GPX1: variants seen among roughly 807,000 people sequenced by gnomAD.
The protein encoded by GPX1 is glutathione peroxidase 1, also known as GSHPx-1.
GPX1 carries 8 observed loss-of-function variants against 11.5 expected under a neutral mutation model. That is an observed-to-expected ratio of 0.70 (90% CI 0.41 to 1.25). The LOEUF (loss-of-function observed/expected upper bound fraction) is 1.25, where lower values mean the gene tolerates loss of function less well. GPX1 is among the 50% of genes most tolerant of loss of function. The pLI, the probability that GPX1 is intolerant of heterozygous loss-of-function variation, is 0.01. For missense variants in GPX1, 266 were observed against 284.3 expected (o/e 0.94, Z 0.46); for synonymous variants, 142 against 127.8 (o/e 1.11, Z -0.75).
Position 49,357,420 on chromosome 3 carries a change from C to T in GPX1, c.580G>A (p.Ala194Thr), listed in dbSNP as rs6446261. 4,042 of 1,612,430 alleles carry T rather than the reference C, an allele frequency of 2.5e-3. 60 individuals are homozygous for T. The African/African-American group carries it at 0.032, about 13-fold the overall frequency. The change falls in exon 2 of 2, where the codon GCC becomes ACC. Residue 194 changes from alanine to threonine, a missense_variant. Transcript: ENST00000419783. ...QTIDIEPDIE[A>T]LLSQGPSCA ...CAGCTGGGCCCTTGAGACAGCAGGG[C>T]TTCGATGTCAGGCTCGATGTCAATG...
chr3:49,358,301 G>A lies in GPX1; in HGVS notation c.-23C>T. 3.3e-6 allele frequency: 5 copies of A among 1,529,282 alleles called. No individual in the cohort carries two copies. Among genetic ancestry groups the A allele is most frequent in the Non-Finnish European group, 4.4e-6 (5 of 1,135,324 alleles). 94.7% of individuals were successfully genotyped at this position (1,529,282 alleles called of 1,614,324 possible). A position where few individuals can be genotyped will look rare whatever the true frequency, so the allele number is the denominator to read the frequency against. On this transcript the variant is annotated 5_prime_UTR_variant, in exon 1 of 2. Transcript: ENST00000419783. ...CATGGCGCAATTGTCCAAGAAGCCAGCGGAGCGCCCCGAACAAGCACTGTA... is the reference window on the plus strand; with the variant it reads ...CATGGCGCAATTGTCCAAGAAGCCAACGGAGCGCCCCGAACAAGCACTGTA...
Position 49,358,097 on chromosome 3 carries a change from T to G in GPX1, c.182A>C (p.Glu61Ala). The G allele has an allele frequency of 6.2e-7, 1 of 1,611,184 alleles. No homozygotes were observed. The highest frequency in any genetic ancestry group is 1.1e-5 in the South Asian group (1 of 90,912). Residue 61 changes from glutamate to alanine, a missense_variant, in exon 1 of 2, where the codon GAG (glutamate) becomes GCG (alanine). Coordinates refer to ENST00000419783, the MANE Select transcript of GPX1 (RefSeq NM_000581.4). ...TTVRDYTQMN[E>A]LQRRLGPRGL... ...CCGGGGTCCGAGGCGCCGCTGCAGC[T>G]CGTTCATCTGGGTGTAGTCCCGGAC...
rs766497825 is a variant in GPX1 at position 49,358,303 on chromosome 3, G to A, written c.-25C>T. 11 of 1,527,978 alleles carry A rather than the reference G, an allele frequency of 7.2e-6. No individual in the cohort carries two copies. Among genetic ancestry groups the A allele is most frequent in the African/African-American group, 1.4e-5 (1 of 72,378 alleles). 94.7% of individuals were successfully genotyped at this position (1,527,978 alleles called of 1,614,324 possible). A position where few individuals can be genotyped will look rare whatever the true frequency, so the allele number is the denominator to read the frequency against. ...TGGCGCAATTGTCCAAGAAGCCAGC[G>A]GAGCGCCCCGAACAAGCACTGTAAG... On this transcript the variant is annotated 5_prime_UTR_variant, in exon 1 of 2. Transcript: ENST00000419783.
In GPX1 at chr3:49,357,245, G is replaced by T. The variant is rs887996168; in HGVS notation, c.*143C>A. ...GTCTGGCAGAGACTGGGATCAACAGGACCAGCACCCATCTCGAGGTGGTAT... is the reference window on the plus strand; with the variant it reads ...GTCTGGCAGAGACTGGGATCAACAGTACCAGCACCCATCTCGAGGTGGTAT... On this transcript the variant is annotated 3_prime_UTR_variant, in exon 2 of 2. Coordinates refer to ENST00000419783, the MANE Select transcript of GPX1 (RefSeq NM_000581.4). 1 of 808,422 alleles carries T rather than the reference G, an allele frequency of 1.2e-6. No homozygotes were observed. Among genetic ancestry groups the T allele is most frequent in the Non-Finnish European group, 1.9e-6 (1 of 514,358 alleles). 50.1% of individuals were successfully genotyped at this position (808,422 alleles called of 1,614,324 possible). A position where few individuals can be genotyped will look rare whatever the true frequency, so the allele number is the denominator to read the frequency against.
Position 49,358,171 on chromosome 3 carries a change from C to G in GPX1, c.108G>C (p.Arg36=). ...CATTCTCGATAAGTAGTACCTTGCC[C>G]CGCAGGGAGCCCAGGCTCACAGGCT... ...GGEPVSLGSL[R]GKVLLIENVA... is the part of the protein sequence containing the mutation. The change falls in exon 1 of 2, where the codon CGG becomes CGC. Residue 36 remains arginine (R), a synonymous_variant. Transcript: ENST00000419783. 1 of 1,585,350 alleles carries G rather than the reference C, an allele frequency of 6.3e-7. No homozygotes were observed. Among genetic ancestry groups the G allele is most frequent in the African/African-American group, 1.3e-5 (1 of 74,634 alleles).
chr3:49,357,936 A>T, intron 1 of GPX1, 91 bp downstream of exon 1: 2 of 1,446,186 alleles, frequency 1.4e-6, no homozygotes, highest in Non-Finnish European at 9.3e-7. Context: ...CTCTCCGCGC[A>T]TGGAGCCGAC....
In GPX1 at chr3:49,358,288, G is replaced by T; in HGVS notation, c.-10C>A. The T allele has an allele frequency of 6.5e-7, 1 of 1,533,214 alleles. No individual in the cohort carries two copies. The highest frequency in any genetic ancestry group is 8.8e-7 in the Non-Finnish European group (1 of 1,137,522). The allele number at this position is 1,533,214 out of a possible 1,614,324, so 95.0% of individuals were successfully genotyped here. A position where few individuals can be genotyped will look rare whatever the true frequency, so the allele number is the denominator to read the frequency against. On this transcript the variant is annotated 5_prime_UTR_variant, in exon 1 of 2. Coordinates refer to ENST00000419783, the MANE Select transcript of GPX1 (RefSeq NM_000581.4). ...GCCGAGCAGCACACATGGCGCAATT[G>T]TCCAAGAAGCCAGCGGAGCGCCCCG...
chr3:49,357,585 C>T lies in GPX1; in HGVS notation c.415G>A (p.Asp139Asn). 1 of 1,613,158 alleles carries T rather than the reference C, an allele frequency of 6.2e-7. No homozygotes were observed. The highest frequency in any genetic ancestry group is 1.8e-4 in the Middle Eastern group (1 of 5,474). ...LREALPAPSD[D>N]ATALMTDPKL... Reference sequence around the variant, plus strand: ...GGGTCGGTCATAAGCGCGGTGGCGTCGTCGCTGGGAGCTGGCAGGGCCTCC... The same window carrying T: ...GGGTCGGTCATAAGCGCGGTGGCGTTGTCGCTGGGAGCTGGCAGGGCCTCC... The change falls in exon 2 of 2, where the codon GAC becomes AAC. Residue 139 changes from aspartate to asparagine, a missense_variant. Asp to Asn is a conservative substitution (Grantham distance 23). Transcript: ENST00000419783.
In GPX1 at chr3:49,357,658, C is replaced by T. The variant is rs898578852; in HGVS notation, c.342G>A (p.Lys114=). The change falls in exon 2 of 2, where the codon AAG becomes AAA. Residue 114 remains lysine, a synonymous_variant. Coordinates refer to ENST00000419783, the MANE Select transcript of GPX1 (RefSeq NM_000581.4). ...GCGCCCCCGCACCGTTCACCTCGCA[C>T]TTCTCGAAGAGCATGAAGTTGGGCT... ...GFEPNFMLFE[K]CEVNGAGAHP... 3.1e-6 allele frequency: 5 copies of T among 1,613,794 alleles called. No homozygotes were observed. Among genetic ancestry groups the T allele is most frequent in the Non-Finnish European group, 4.2e-6 (5 of 1,179,974 alleles).
At position 49,357,339 on chromosome 3, in the gene GPX1, C is replaced by G. The variant is rs1318019032; in HGVS notation, c.*49G>C. On this transcript the variant is annotated 3_prime_UTR_variant, in exon 2 of 2. Coordinates refer to ENST00000419783, the MANE Select transcript of GPX1 (RefSeq NM_000581.4). The stretch of plus-strand genomic sequence containing the variant: ...ACACCCTCATAGATGAAAACCCCCC[C>G]GAGACAGCAGCACTGCAACTGCCAA... 2 of 1,559,230 alleles carry G rather than the reference C, an allele frequency of 1.3e-6. No homozygotes were observed. The highest frequency in any genetic ancestry group is 2.3e-5 in the East Asian group (1 of 44,138).
rs747129640 is a variant in GPX1 at position 49,358,289 on chromosome 3, T to C, written c.-11A>G. ...CCGAGCAGCACACATGGCGCAATTG[T>C]CCAAGAAGCCAGCGGAGCGCCCCGA... On this transcript the variant is annotated 5_prime_UTR_variant, in exon 1 of 2. Coordinates refer to ENST00000419783, the MANE Select transcript of GPX1 (RefSeq NM_000581.4). 1.3e-4 allele frequency: 192 copies of C among 1,532,500 alleles called. No homozygotes were observed. Among genetic ancestry groups the C allele is most frequent in the Non-Finnish European group, 1.5e-4 (174 of 1,137,212 alleles). 94.9% of individuals were successfully genotyped at this position (1,532,500 alleles called of 1,614,324 possible).
At chr3:49,357,778 G>A in intron 1 of GPX1, 31 bp from the exon 2 acceptor site, 10 of 1,582,242 alleles carry the variant, frequency 6.3e-6, no homozygotes, top group Non-Finnish European at 6.9e-6. Context: ...TAGAACCCGG[G>A]GTCAAGAGGA....
At chr3:49,357,816 G>C (rs1277746701) in intron 1 of GPX1, 69 bp from the exon 2 acceptor site, 10 of 1,540,074 alleles carry the variant, frequency 6.5e-6, no homozygotes, top group African/African-American at 2.8e-5. Flanking sequence ...CCACAAACAA[G>C]GGAGATTTTC....
At position 49,357,523 on chromosome 3, in the gene GPX1, A is replaced by G. The variant is rs1575633490; in HGVS notation, c.477T>C (p.Asp159=). ...GGAACTTCTCAAAGTTCCAGGCAACATCGTTGCGACACACCGGAGACCAGG... is the reference window on the plus strand; with the variant it reads ...GGAACTTCTCAAAGTTCCAGGCAACGTCGTTGCGACACACCGGAGACCAGG... The part of the protein sequence containing the change: ...LITWSPVCRN[D]VAWNFEKFLV... The change falls in exon 2 of 2, where the codon GAT becomes GAC. Residue 159 remains aspartate, a synonymous_variant. Coordinates refer to ENST00000419783, the MANE Select transcript of GPX1 (RefSeq NM_000581.4). The G allele has an allele frequency of 6.2e-7, 1 of 1,613,430 alleles. No individual in the cohort carries two copies. The highest frequency in any genetic ancestry group is 8.5e-7 in the Non-Finnish European group (1 of 1,179,776).
At position 49,358,173 on chromosome 3, in the gene GPX1, G is replaced by A. The variant is rs1226585761; in HGVS notation, c.106C>T (p.Arg36Trp). 5 of 1,584,826 alleles carry A rather than the reference G, an allele frequency of 3.2e-6. No homozygotes were observed. Among genetic ancestry groups the A allele is most frequent in the East Asian group, 4.6e-5 (2 of 43,924 alleles). Residue 36 changes from arginine (R) to tryptophan (W), a missense_variant, in exon 1 of 2, where the codon CGG becomes TGG. Coordinates refer to ENST00000419783, the MANE Select transcript of GPX1 (RefSeq NM_000581.4). Reference protein sequence around the residue: ...GGEPVSLGSLRGKVLLIENVA... With the variant: ...GGEPVSLGSLWGKVLLIENVA... ...TTCTCGATAAGTAGTACCTTGCCCC[G>A]CAGGGAGCCCAGGCTCACAGGCTCC...
At position 49,358,265 on chromosome 3, in the gene GPX1, C is replaced by T; in HGVS notation, c.14G>A (p.Arg5Gln). 6.5e-7 allele frequency: 1 copy of T among 1,541,394 alleles called. No individual in the cohort carries two copies. Residue 5 changes from arginine to glutamine, a missense_variant, in exon 1 of 2, where the codon CGG (arginine) becomes CAG (glutamine). By Grantham distance (43) the Arg-to-Gln change is conservative. Transcript: ENST00000419783. ...GGCCGCCGCCGCCGCCGCCGCTAGCCGAGCAGCACACATGGCGCAATTGTC... is the reference window on the plus strand; with the variant it reads ...GGCCGCCGCCGCCGCCGCCGCTAGCTGAGCAGCACACATGGCGCAATTGTC... Reference protein sequence around the residue: MCAARLAAAAAAAQS... With the variant: MCAAQLAAAAAAAQS...
At chr3:49,357,979 C>T in intron 1 of GPX1, 48 bp downstream of exon 1, 3 of 1,559,280 alleles carry the variant, frequency 1.9e-6, no homozygotes, top group South Asian at 1.2e-5. Context: ...GCGCCCCCAG[C>T]CACTACTGCA....
chr3:49,357,872 G>A, intron 1 of GPX1, 125 bp from the exon 2 acceptor site: 1 of 1,520,082 alleles, frequency 6.6e-7, no homozygotes, highest in South Asian at 1.3e-5. Context: ...CCCAAGGGCG[G>A]AGAGGAATTT....
Position 49,357,594 on chromosome 3 carries a change from G to C in GPX1, c.406C>G (p.Pro136Ala). ...FAFLREALPA[P>A]SDDATALMTD... The stretch of plus-strand genomic sequence containing the variant: ...ATAAGCGCGGTGGCGTCGTCGCTGG[G>C]AGCTGGCAGGGCCTCCCGCAGGAAG... Residue 136 changes from proline to alanine, a missense_variant, in exon 2 of 2, where the codon CCC (proline) becomes GCC (alanine). Physicochemically the swap from Pro to Ala is conservative, Grantham distance 27. Transcript: ENST00000419783. The C allele has an allele frequency of 6.2e-7, 1 of 1,613,188 alleles. No homozygotes were observed. The highest frequency in any genetic ancestry group is 8.5e-7 in the Non-Finnish European group (1 of 1,179,878).
Sources: allele counts gnomAD v4.1 joint callset, GRCh38; gene constraint gnomAD v4.1.1; transcripts MANE v1.5; gene names NCBI Gene and HGNC (gene_info 2026-07-23, HGNC 2026-07-21).